The following NFX1 variants were observed in gnomAD, a reference collection of about 807,000 sequenced individuals.
NFX1 encodes the protein transcriptional repressor NF-X1.
NFX1 carries 69 observed loss-of-function variants against 137.2 expected under a neutral mutation model. That is an observed-to-expected ratio of 0.50 (90% CI 0.41 to 0.61). NFX1 has a LOEUF of 0.61. NFX1 is among the 20% of genes least tolerant of loss of function. The pLI is 0.00. For missense variants in NFX1, 1,167 were observed against 1,391.0 expected (o/e 0.84, Z 2.56); for synonymous variants, 495 against 474.1 (o/e 1.04, Z -0.57).
intron 2 of NFX1, 102 bp from the exon 3 acceptor site, chr9:33,301,161 G>T: frequency 9.3e-7 from 1 of 1,079,250 alleles, no homozygotes; most frequent in Non-Finnish European, 1.3e-6. Flanking sequence ...CTCTGTGTTT[G>T]GATTCTTCTC....
In NFX1 at chr9:33,354,910, C is replaced by G; in HGVS notation, c.2873+18C>G. 3 of 1,613,342 alleles carry G rather than the reference C, an allele frequency of 1.9e-6. No homozygotes were observed. Among genetic ancestry groups the G allele is most frequent in the Non-Finnish European group, 2.5e-6 (3 of 1,179,492 alleles). The stretch of plus-strand genomic sequence containing the variant: ...AGGAAAAAGTAAGTAGTTGCAGCTG[C>G]TTTTTTAATCTCCTTGCCCTTGAGC... On this transcript the variant is annotated intron_variant, in intron 19 of 23. Transcript: ENST00000379540.
chr9:33,354,935 C>G, intron 19 of NFX1, 43 bp downstream of exon 19: 2 of 1,603,528 alleles, frequency 1.2e-6, no homozygotes, highest in African/African-American at 2.7e-5. Flanking sequence ...TGCCCTTGAG[C>G]TCTGTGAAAT....
chr9:33,364,384 T>C (rs898256390), intron 20 of NFX1, among the ~76,000 whole-genome samples: 4 of 152,176 alleles, frequency 2.6e-5, no homozygotes, highest in South Asian at 2.1e-4. Context: ...CTAGACTAAA[T>C]TGGAGGATCT....
intron 2 of NFX1, among the ~76,000 whole-genome samples, chr9:33,298,176 A>G (rs543519508): frequency 2.0e-5 from 3 of 152,354 alleles, no homozygotes; most frequent in African/African-American, 7.2e-5. Flanking sequence ...AAGGTTAAGA[A>G]GACAGAGTGA....
intron 12 of NFX1, among the ~76,000 whole-genome samples, chr9:33,340,906 G>A (rs1823196240): frequency 6.6e-6 from 1 of 152,132 alleles, no homozygotes; most frequent in Non-Finnish European, 1.5e-5. Context: ...GGACATTATT[G>A]TCCATATCAT....
rs772965225 is a variant in NFX1, at chr9:33,364,704, T to G, written c.2973-4T>G. 9.9e-6 allele frequency: 16 copies of G among 1,612,786 alleles called. No individual in the cohort carries two copies. The South Asian group carries it at 1.8e-4, about 18-fold the overall frequency. On this transcript the variant is annotated splice_polypyrimidine_tract_variant and splice_region_variant and intron_variant, in intron 20 of 23. Coordinates refer to ENST00000379540, the MANE Select transcript of NFX1 (RefSeq NM_002504.6). ...CAAAATTAACTGGTGATTTCTCATT[T>G]CAGGAAGGACTTAAAGTTTGTCAGT...
intron 5 of NFX1, among the ~76,000 whole-genome samples, chr9:33,308,690 A>G (rs1046943468): frequency 3.3e-5 from 5 of 152,246 alleles, no homozygotes; most frequent in African/African-American, 9.6e-5. Flanking sequence ...ATAGGGTTCT[A>G]TGAAAATTAA....
intron 3 of NFX1, among the ~76,000 whole-genome samples, chr9:33,301,958 G>A (rs1821584156): frequency 6.6e-6 from 1 of 152,188 alleles, no homozygotes; most frequent in Non-Finnish European, 1.5e-5. Context: ...TGTAATCCCA[G>A]CTACTCGGGA....
At chr9:33,329,310 A>G (rs749469629) in intron 10 of NFX1, among the ~76,000 whole-genome samples, 1 of 152,202 alleles carries the variant, frequency 6.6e-6, no homozygotes, top group East Asian at 1.9e-4. Flanking sequence ...TTGGTGCTCT[A>G]TTGTGCAATC....
At chr9:33,311,975 T>A (rs1033394205) in intron 6 of NFX1, among the ~76,000 whole-genome samples, 1 of 152,146 alleles carries the variant, frequency 6.6e-6, no homozygotes, top group Non-Finnish European at 1.5e-5. Flanking sequence ...AGTCTTTTAA[T>A]GAATATTGTT....
intron 10 of NFX1, among the ~76,000 whole-genome samples, chr9:33,331,435 A>G (rs904584780): frequency 2.0e-5 from 3 of 152,216 alleles, no homozygotes; most frequent in African/African-American, 7.2e-5. Flanking sequence ...GCAGGAATTT[A>G]TGGGAGTTCT....
At position 33,328,918 on chromosome 9, in the gene NFX1, T is replaced by G. The variant is rs562327629; in HGVS notation, c.2004+240T>G. Among the ~76,000 whole-genome samples, 13 of 152,188 alleles carry G rather than the reference T, an allele frequency of 8.5e-5. No homozygotes were observed. The South Asian group carries it at 2.7e-3, about 32-fold the overall frequency. ...TGCAAGGAGTCAGCCAACTAAGAAG[T>G]TAGAGGAAACACAGTCCATATGACC... On this transcript the variant is annotated intron_variant, in intron 10 of 23. Coordinates refer to ENST00000379540, the MANE Select transcript of NFX1 (RefSeq NM_002504.6).
intron 9 of NFX1, among the ~76,000 whole-genome samples, chr9:33,328,346 G>A (rs539532978): frequency 1.4e-4 from 22 of 152,102 alleles, no homozygotes; most frequent in African/African-American, 5.1e-4. Flanking sequence ...TAGGCAAATC[G>A]TCGTATACTT....
At chr9:33,363,175 T>C (rs1035110865) in intron 19 of NFX1, among the ~76,000 whole-genome samples, 7 of 151,782 alleles carry the variant, frequency 4.6e-5, no homozygotes, top group African/African-American at 1.7e-4. Context: ...TACAACATAG[T>C]ATATATGTAC....
chr9:33,317,527 G>A (rs1275281418), intron 7 of NFX1, among the ~76,000 whole-genome samples: 1 of 147,588 alleles, frequency 6.8e-6, no homozygotes, highest in African/African-American at 2.5e-5. Flanking sequence ...CTTAAATTCA[G>A]CTAATTAAAA....
rs748360812 is a variant in NFX1 at position 33,294,667 on chromosome 9, T to G, written c.273T>G (p.Pro91=). The G allele has an allele frequency of 6.2e-7, 1 of 1,614,096 alleles. No individual in the cohort carries two copies. Among genetic ancestry groups the G allele is most frequent in the African/African-American group, 1.3e-5 (1 of 74,936 alleles). The part of the protein sequence containing the change: ...KSQQTSFQSS[P]CNKSPKSHGL... ...AGCAGACGTCTTTCCAGTCCTCTCCTTGTAATAAATCGCCCAAGAGCCATG... is the reference window on the plus strand; with the variant it reads ...AGCAGACGTCTTTCCAGTCCTCTCCGTGTAATAAATCGCCCAAGAGCCATG... Residue 91 remains proline, a synonymous_variant, in exon 2 of 24, where the codon CCT becomes CCG. Transcript: ENST00000379540.
intron 17 of NFX1, among the ~76,000 whole-genome samples, chr9:33,353,289 C>G (rs536843599): frequency 6.6e-6 from 1 of 152,298 alleles, no homozygotes; most frequent in African/African-American, 2.4e-5. Flanking sequence ...ACAGCCAGGG[C>G]TAAGCTCTGT....
chr9:33,314,873 G>A (rs769188738), intron 7 of NFX1, among the ~76,000 whole-genome samples: 13 of 152,042 alleles, frequency 8.6e-5, no homozygotes, highest in Non-Finnish European at 1.6e-4. Context: ...AAAGATATCC[G>A]AAACCAATCA....
chr9:33,344,327 A>G, intron 14 of NFX1, 139 bp downstream of exon 14: 1 of 1,228,018 alleles, frequency 8.1e-7, no homozygotes, highest in South Asian at 1.4e-5. Flanking sequence ...GGTTCTCTGA[A>G]GGTGGGTCTG....
Sources: gnomAD v4.1 joint callset for allele counts (sites outside exome capture counted in the v4.1 genomes callset) on GRCh38, gnomAD v4.1.1 for gene constraint, MANE v1.5 for transcripts, NCBI Gene and HGNC (gene_info 2026-07-23, HGNC 2026-07-21) for gene names.